Variants in ADAMDEC1 observed in about 807,000 individuals in gnomAD.
ADAMDEC1 encodes the protein ADAM DEC1.
A neutral mutation model predicts 60.4 loss-of-function variants in ADAMDEC1; 62 were observed. The ratio of observed to expected loss-of-function variants is 1.03; its 90% CI spans 0.84 to 1.27. ADAMDEC1 has a LOEUF of 1.27. Ranked by LOEUF, ADAMDEC1 falls within the 50% of genes most tolerant of loss-of-function variation. ADAMDEC1 has a pLI of 0.00. For missense variants in ADAMDEC1, 595 were observed against 565.0 expected (o/e 1.05, Z -0.54); for synonymous variants, 210 against 195.1 (o/e 1.08, Z -0.64).
At chr8:24,400,365 ATAT>A in intron 11 of ADAMDEC1, 65 bp downstream of exon 11, 1 of 1,486,734 alleles carries the variant, frequency 6.7e-7, no homozygotes, top group South Asian at 1.4e-5. Context: ...CTGAAGACAC[ATAT>A]TATTCTCTAT....
intron 6 of ADAMDEC1, 103 bp downstream of exon 6, chr8:24,397,559 C>T: frequency 1.4e-6 from 2 of 1,472,378 alleles, no homozygotes; most frequent in East Asian, 2.3e-5. Context: ...ATGTGTCAAG[C>T]CTATAATTTA....
intron 1 of ADAMDEC1, 94 bp downstream of exon 1, chr8:24,384,686 G>T: frequency 8.6e-7 from 1 of 1,164,412 alleles, no homozygotes; most frequent in Admixed American, 2.5e-5. Context: ...ATGTTTTTAT[G>T]GTCGAAAGAC....
chr8:24,401,808 T>A, intron 11 of ADAMDEC1, 107 bp from the exon 12 acceptor site: 1 of 1,017,078 alleles, frequency 9.8e-7, no homozygotes, highest in South Asian at 1.7e-5. Context: ...AGCTCGGTAA[T>A]ACAGTTAGAT....
intron 1 of ADAMDEC1, among the ~76,000 whole-genome samples, chr8:24,389,788 A>G (rs1342801747): frequency 6.6e-6 from 1 of 152,108 alleles, no homozygotes; most frequent in Admixed American, 6.6e-5. Flanking sequence ...CCTTATTACT[A>G]GCTGTTTCCT....
intron 10 of ADAMDEC1, among the ~76,000 whole-genome samples, chr8:24,399,953 T>TAATGGA (rs1465366287): frequency 6.6e-6 from 1 of 152,170 alleles, no homozygotes; most frequent in Non-Finnish European, 1.5e-5. Context: ...TACTGGTAAC[T>TAATGGA]TAGTATCCAT....
intron 4 of ADAMDEC1, 83 bp downstream of exon 4, chr8:24,394,230 G>C: frequency 9.3e-7 from 1 of 1,073,712 alleles, no homozygotes; most frequent in South Asian, 1.5e-5. Flanking sequence ...TCTCCAAAGG[G>C]CTCAATTATT....
chr8:24,403,012 C>T (rs1817803313), intron 12 of ADAMDEC1, among the ~76,000 whole-genome samples: 1 of 151,962 alleles, frequency 6.6e-6, no homozygotes, highest in African/African-American at 2.4e-5. Flanking sequence ...ATACTCAAAA[C>T]CCTAGGTACT....
chr8:24,389,492 G>T (rs1817382495), intron 1 of ADAMDEC1, among the ~76,000 whole-genome samples: 2 of 151,952 alleles, frequency 1.3e-5, no homozygotes, highest in African/African-American at 2.4e-5. Flanking sequence ...CCTCCTAAAT[G>T]AGCTCTCTGA....
At chr8:24,390,018 G>A (rs1229722633) in intron 1 of ADAMDEC1, 5 of 349,718 alleles carry the variant, frequency 1.4e-5, no homozygotes, top group Non-Finnish European at 2.9e-5. Flanking sequence ...TTTTCATAAT[G>A]TATGCTTCAT....
At chr8:24,398,276 T>A (rs943903469) in intron 7 of ADAMDEC1, among the ~76,000 whole-genome samples, 1 of 152,072 alleles carries the variant, frequency 6.6e-6, no homozygotes, top group African/African-American at 2.4e-5. Flanking sequence ...AAATTTTACA[T>A]GAATGTCTAA....
At chr8:24,398,103 T>C (rs1007190337) in intron 7 of ADAMDEC1, among the ~76,000 whole-genome samples, 3 of 151,020 alleles carry the variant, frequency 2.0e-5, no homozygotes, top group African/African-American at 7.3e-5. Context: ...CACAAAACTC[T>C]ATATAACTTA....
chr8:24,401,793 C>A, intron 11 of ADAMDEC1, 122 bp from the exon 12 acceptor site: 1 of 903,966 alleles, frequency 1.1e-6, no homozygotes, highest in Non-Finnish European at 1.6e-6. Flanking sequence ...TTGGAATTTC[C>A]ATTGAGCTCG....
chr8:24,401,364 C>T (rs1817761566), intron 11 of ADAMDEC1, among the ~76,000 whole-genome samples: 1 of 152,044 alleles, frequency 6.6e-6, no homozygotes, highest in South Asian at 2.1e-4. Context: ...TCTTATATTC[C>T]CATCATCAAT....
chr8:24,400,814 G>C (rs1817745923), intron 11 of ADAMDEC1, among the ~76,000 whole-genome samples: 1 of 117,796 alleles, frequency 8.5e-6, no homozygotes, highest in African/African-American at 3.4e-5. Flanking sequence ...AGGCCCCAGT[G>C]TGTGATGTTC....
Position 24,397,472 on chromosome 8 carries a change from T to G in ADAMDEC1, c.627+16T>G, listed in dbSNP as rs376619466. On this transcript the variant is annotated intron_variant, in intron 6 of 13. Transcript: ENST00000256412. ...AAGCCCAGAGGTGAATACAATTCCC[T>G]TACCTCATCATTTACTTCAATTGTC... The G allele has an allele frequency of 1.6e-5, 25 of 1,608,172 alleles. No homozygotes were observed. The highest frequency in any genetic ancestry group is 2.0e-5 in the Non-Finnish European group (23 of 1,178,478).
chr8:24,385,285 A>G (rs1817264171), intron 1 of ADAMDEC1, among the ~76,000 whole-genome samples: 1 of 152,182 alleles, frequency 6.6e-6, no homozygotes, highest in Non-Finnish European at 1.5e-5. Flanking sequence ...TACATAGCTG[A>G]GGAGTTATCC....
chr8:24,392,660 G>A (rs1017139976), intron 2 of ADAMDEC1, among the ~76,000 whole-genome samples: 1 of 152,104 alleles, frequency 6.6e-6, no homozygotes, highest in Non-Finnish European at 1.5e-5. Flanking sequence ...GGGAAGGTCG[G>A]CCATCTTTAA....
At chr8:24,396,668 C>T (rs1817622220) in intron 5 of ADAMDEC1, among the ~76,000 whole-genome samples, 1 of 152,096 alleles carries the variant, frequency 6.6e-6, no homozygotes, top group Non-Finnish European at 1.5e-5. Context: ...CCACATTGTT[C>T]TTCCAACATG....
At chr8:24,395,277 T>C (rs541270829) in intron 4 of ADAMDEC1, among the ~76,000 whole-genome samples, 199 of 152,374 alleles carry the variant, frequency 1.3e-3, no homozygotes, top group Non-Finnish European at 1.9e-3. Flanking sequence ...TTATTTGTAA[T>C]GCACAGTGCC....
Sources: gnomAD v4.1 joint callset for allele counts (sites outside exome capture counted in the v4.1 genomes callset) on GRCh38, gnomAD v4.1.1 for gene constraint, MANE v1.5 for transcripts, NCBI Gene and HGNC (gene_info 2026-07-23, HGNC 2026-07-21) for gene names.